The following PKNOX2 variants were observed in gnomAD, a reference collection of about 807,000 sequenced individuals.
PKNOX2 encodes the protein homeobox protein PKNOX2.
Under a neutral mutation model 53.1 loss-of-function variants are expected in PKNOX2, and 14 were observed. The ratio of observed to expected loss-of-function variants is 0.26; its 90% CI spans 0.17 to 0.41. PKNOX2 has a LOEUF of 0.41. Among genes scored for constraint, PKNOX2 ranks in the 10% least tolerant of loss-of-function variants. The probability of loss-of-function intolerance (pLI) is 1.00; values close to 1 mark genes in which losing one functional copy is unlikely to be tolerated. For synonymous variants in PKNOX2, 257 were observed against 242.8 expected, an observed-to-expected ratio of 1.06 and a Z score of -0.54; for missense variants, 496 against 602.8, an observed-to-expected ratio of 0.82 and a Z score of 1.85.
intron 2 of PKNOX2, among the ~76,000 whole-genome samples, chr11:125,286,120 C>T (rs1432468324): frequency 6.6e-6 from 1 of 152,172 alleles, no homozygotes; most frequent in Non-Finnish European, 1.5e-5. Flanking sequence ...GGGTGGAACA[C>T]AGAGTGCACA....
chr11:125,406,128 C>A (rs1955078547), intron 7 of PKNOX2, among the ~76,000 whole-genome samples: 1 of 152,164 alleles, frequency 6.6e-6, no homozygotes, highest in African/African-American at 2.4e-5. Context: ...TCTGATAAGC[C>A]CTGAGGGGAA....
At chr11:125,331,964 C>A (rs1021132340) in intron 3 of PKNOX2, 39 bp downstream of exon 3, 2 of 148,912 alleles carry the variant, frequency 1.3e-5, no homozygotes, top group Non-Finnish European at 1.5e-5. Flanking sequence ...TACAGTTACA[C>A]CCCCCAAGCA....
chr11:125,308,347 C>T (rs778484184), intron 2 of PKNOX2, among the ~76,000 whole-genome samples: 5 of 152,198 alleles, frequency 3.3e-5, no homozygotes, highest in African/African-American at 1.2e-4. Flanking sequence ...TGGCAGCACC[C>T]CCAACCCTAG....
chr11:125,359,524 C>T (rs1036691338), intron 4 of PKNOX2, among the ~76,000 whole-genome samples: 2 of 152,184 alleles, frequency 1.3e-5, no homozygotes, highest in Non-Finnish European at 2.9e-5. Flanking sequence ...AGGTCTGGAG[C>T]GCCCTGGACT....
At chr11:125,315,328 A>AAAAAAAAAAC (rs1201379428) in intron 2 of PKNOX2, among the ~76,000 whole-genome samples, 1 of 144,814 alleles carries the variant, frequency 6.9e-6, no homozygotes, top group African/African-American at 2.7e-5. Context: ...AAAAAAAAAA[A>AAAAAAAAAAC]CACCTCTCTC....
intron 6 of PKNOX2, among the ~76,000 whole-genome samples, chr11:125,388,723 A>G (rs1363874045): frequency 1.3e-5 from 2 of 148,360 alleles, no homozygotes; most frequent in Non-Finnish European, 3.0e-5. Flanking sequence ...CCTGTCCCCC[A>G]AGCAAGTTGC....
chr11:125,249,643 G>A (rs187973886), intron 2 of PKNOX2, among the ~76,000 whole-genome samples: 94 of 152,260 alleles, frequency 6.2e-4, no homozygotes, highest in Middle Eastern at 6.8e-3. Flanking sequence ...TTCGTATCAC[G>A]GATTCGAGTG....
intron 7 of PKNOX2, among the ~76,000 whole-genome samples, chr11:125,407,600 C>T (rs973941399): frequency 1.3e-5 from 2 of 152,024 alleles, no homozygotes; most frequent in Non-Finnish European, 2.9e-5. Context: ...TACCCACTCC[C>T]CCATTAAATT....
intron 1 of PKNOX2, among the ~76,000 whole-genome samples, chr11:125,232,258 G>A (rs561583765): frequency 2.6e-5 from 4 of 152,338 alleles, no homozygotes; most frequent in South Asian, 4.1e-4. Flanking sequence ...AAGGGACAAG[G>A]AAGATACATC....
rs143228131 is a variant in PKNOX2, at chr11:125,385,159, A to T, written c.228-392A>T. Among the ~76,000 whole-genome samples the T allele has an allele frequency of 5.9e-3, 891 of 152,230 alleles. 6 individuals are homozygous for T. Among genetic ancestry groups the T allele is most frequent in the African/African-American group, 0.018 (757 of 41,536 alleles). ...AAGAATGGATCTATGACCTACCACG[A>T]ATGTTCACATCCAGGACTTCTCTGG... On this transcript the variant is annotated intron_variant, in intron 5 of 12. Coordinates refer to ENST00000298282, the MANE Select transcript of PKNOX2 (RefSeq NM_001382323.2).
chr11:125,189,432 T>G lies in PKNOX2; in HGVS notation c.-201+24656T>G, dbSNP rs1474405671. ...ATATATATGTGTGTGTGTGTGTGTG[T>G]GTGTGTGTGTGTGTGTATATATATA... On this transcript the variant is annotated intron_variant, in intron 1 of 12. Coordinates refer to ENST00000298282, the MANE Select transcript of PKNOX2 (RefSeq NM_001382323.2). Among the ~76,000 whole-genome samples, 4 of 85,450 alleles carry G rather than the reference T, an allele frequency of 4.7e-5. No individual in the cohort carries two copies. In the South Asian group the frequency reaches 1.2e-3, roughly 26 times the overall value. The allele number at this position is 85,450 out of a possible 152,430, so 56.1% of individuals were successfully genotyped here.
At chr11:125,270,968 G>A (rs547683316) in intron 2 of PKNOX2, among the ~76,000 whole-genome samples, 5 of 152,284 alleles carry the variant, frequency 3.3e-5, no homozygotes, top group South Asian at 2.1e-4. Context: ...GCTCTTGATT[G>A]GCTAGGACCA....
chr11:125,286,387 A>C (rs2135880695), intron 2 of PKNOX2, among the ~76,000 whole-genome samples: 1 of 152,382 alleles, frequency 6.6e-6, no homozygotes, highest in African/African-American at 2.4e-5. Context: ...TGTAGAGAAA[A>C]GAATCCTTTT....
chr11:125,193,485 T>A (rs1441786898), intron 1 of PKNOX2, among the ~76,000 whole-genome samples: 3 of 152,336 alleles, frequency 2.0e-5, no homozygotes, highest in African/African-American at 4.8e-5. Context: ...CCAGTGTGCA[T>A]GTGTGCATAC....
chr11:125,251,127 T>C (rs1943961438), intron 2 of PKNOX2, among the ~76,000 whole-genome samples: 2 of 152,252 alleles, frequency 1.3e-5, no homozygotes, highest in Non-Finnish European at 2.9e-5. Flanking sequence ...TGACTTCTTC[T>C]TTCTTCCTGT....
chr11:125,375,293 C>T (rs987957181), intron 5 of PKNOX2, among the ~76,000 whole-genome samples: 6 of 152,040 alleles, frequency 3.9e-5, no homozygotes, highest in Admixed American at 1.3e-4. Flanking sequence ...GGAAACTCAC[C>T]GGATAAAGCA....
intron 1 of PKNOX2, among the ~76,000 whole-genome samples, chr11:125,178,349 T>A (rs2135247056): frequency 6.6e-6 from 1 of 151,758 alleles, no homozygotes; most frequent in South Asian, 2.1e-4. Flanking sequence ...CCGTCTCTAC[T>A]AAAAATACAA....
chr11:125,172,699 A>G (rs1025150945), intron 1 of PKNOX2, among the ~76,000 whole-genome samples: 6 of 152,018 alleles, frequency 3.9e-5, no homozygotes, highest in African/African-American at 9.7e-5. Flanking sequence ...TTTCCTCCCA[A>G]TTGGATTGCT....
At chr11:125,408,933 G>T (rs575567609) in intron 7 of PKNOX2, among the ~76,000 whole-genome samples, 1 of 152,282 alleles carries the variant, frequency 6.6e-6, no homozygotes, top group Admixed American at 6.5e-5. Context: ...GCCCCATTTT[G>T]TCTATTTCCT....
Sources: allele counts gnomAD v4.1 joint callset (sites outside exome capture counted in the v4.1 genomes callset), GRCh38; gene constraint gnomAD v4.1.1; transcripts MANE v1.5; gene names NCBI Gene and HGNC (gene_info 2026-07-23, HGNC 2026-07-21).